Variants in GPD1L observed in about 807,000 individuals in gnomAD.
GPD1L encodes the protein glycerol-3-phosphate dehydrogenase 1-like protein.
Under a neutral mutation model 32.9 loss-of-function variants are expected in GPD1L, and 17 were observed. The observed-to-expected ratio is 0.52, with a 90% CI of 0.35 to 0.78. The LOEUF (loss-of-function observed/expected upper bound fraction) is 0.78. GPD1L is among the 30% of genes least tolerant of loss of function. GPD1L has a pLI of 0.01. For synonymous variants in GPD1L, 187 were observed against 165.9 expected (o/e 1.13, Z -0.98); for missense variants, 361 against 447.8 (o/e 0.81, Z 1.75).
In GPD1L at chr3:32,166,326, A is replaced by G. The variant is rs1478610156; in HGVS notation, c.*416A>G. ...GTGTTAAATTTTAACCAGCATTAAC[A>G]TGGTAGAGTGGAGGAGTGAGTGTGT... On this transcript the variant is annotated 3_prime_UTR_variant, in exon 8 of 8. Transcript: ENST00000282541. 1.8e-5 allele frequency: 5 copies of G among 284,726 alleles called. No homozygotes were observed. Among genetic ancestry groups the G allele is most frequent in the Admixed American group, 5.1e-5 (1 of 19,620 alleles). The allele number at this position is 284,726 out of a possible 1,614,324, so 17.6% of individuals were successfully genotyped here.
intron 5 of GPD1L, among the ~76,000 whole-genome samples, chr3:32,156,539 C>T (rs1245429648): frequency 5.3e-5 from 8 of 152,298 alleles, no homozygotes; most frequent in Admixed American, 6.5e-5. Context: ...CACATCACCC[C>T]GTGGGAGAGG....
At chr3:32,122,813 C>A (rs1700440865) in intron 1 of GPD1L, among the ~76,000 whole-genome samples, 1 of 152,230 alleles carries the variant, frequency 6.6e-6, no homozygotes, top group African/African-American at 2.4e-5. Flanking sequence ...GGGTTAAACA[C>A]ATCATGCAGG....
chr3:32,138,773 A>G (rs1390403692), intron 3 of GPD1L, 46 bp downstream of exon 3: 1 of 1,593,072 alleles, frequency 6.3e-7, no homozygotes, highest in African/African-American at 1.3e-5. Flanking sequence ...GGTTATCAGG[A>G]AATTTCATTT....
chr3:32,109,681 A>G (rs1241526311), intron 1 of GPD1L, among the ~76,000 whole-genome samples: 2 of 152,240 alleles, frequency 1.3e-5, no homozygotes, highest in South Asian at 2.1e-4. Flanking sequence ...TGAAAACAAC[A>G]TGGAGAAGCC....
intron 6 of GPD1L, among the ~76,000 whole-genome samples, 177 bp downstream of exon 6, chr3:32,159,286 C>A (rs1240895900): frequency 6.6e-6 from 1 of 151,954 alleles, no homozygotes; most frequent in African/African-American, 2.4e-5. Flanking sequence ...CTTTATCTTT[C>A]CTTGGCTTCC....
chr3:32,149,313 A>G (rs9817304), intron 5 of GPD1L, among the ~76,000 whole-genome samples: 51,716 of 152,132 alleles, frequency 0.34, 9,772 homozygotes, highest in East Asian at 0.63. Flanking sequence ...TTCCCACCTC[A>G]GACTCCCAAA....
chr3:32,144,391 C>T (rs991260877), intron 4 of GPD1L, among the ~76,000 whole-genome samples: 2 of 152,176 alleles, frequency 1.3e-5, no homozygotes, highest in African/African-American at 4.8e-5. Flanking sequence ...TTTTCAAACC[C>T]TCTTATGTAT....
intron 1 of GPD1L, among the ~76,000 whole-genome samples, chr3:32,112,550 T>A (rs934443308): frequency 2.4e-4 from 36 of 152,058 alleles, no homozygotes; most frequent in Non-Finnish European, 3.8e-4. Flanking sequence ...GGCAGGAGAA[T>A]CACTTGAGCC....
At chr3:32,132,746 A>T (rs1417203833) in intron 2 of GPD1L, among the ~76,000 whole-genome samples, 2 of 152,094 alleles carry the variant, frequency 1.3e-5, no homozygotes, top group African/African-American at 4.8e-5. Flanking sequence ...GGTAATGGGG[A>T]TGCTGTTGGT....
At chr3:32,127,104 C>T (rs1345627872) in intron 1 of GPD1L, among the ~76,000 whole-genome samples, 2 of 152,310 alleles carry the variant, frequency 1.3e-5, no homozygotes, top group African/African-American at 4.8e-5. Flanking sequence ...ACATGTTCTG[C>T]ATCCACTTGG....
chr3:32,166,135 T>C lies in GPD1L; in HGVS notation c.*225T>C. 8.7e-6 allele frequency: 5 copies of C among 576,800 alleles called. No individual in the cohort carries two copies. Among genetic ancestry groups the C allele is most frequent in the South Asian group, 8.1e-5 (4 of 49,322 alleles). The allele number at this position is 576,800 out of a possible 1,614,324, so 35.7% of individuals were successfully genotyped here. ...AAACATGTGAATGGTGGTTTATTCC[T>C]CATTCTGTGGATGTTTCTATGAGCC... On this transcript the variant is annotated 3_prime_UTR_variant, in exon 8 of 8. Transcript: ENST00000282541.
chr3:32,107,266 C>T (rs918316644), intron 1 of GPD1L, among the ~76,000 whole-genome samples: 7 of 152,176 alleles, frequency 4.6e-5, no homozygotes, highest in African/African-American at 1.7e-4. Context: ...GCCCCCGCTT[C>T]TGATAGGTCC....
At chr3:32,111,743 T>C (rs17028880) in intron 1 of GPD1L, among the ~76,000 whole-genome samples, 3,520 of 151,948 alleles carry the variant, frequency 0.023, 145 homozygotes, top group African/African-American at 0.077. Flanking sequence ...TGACATTTTC[T>C]CTGATACCGA....
At chr3:32,156,788 A>C (rs1459189211) in intron 5 of GPD1L, among the ~76,000 whole-genome samples, 1 of 152,218 alleles carries the variant, frequency 6.6e-6, no homozygotes, top group Non-Finnish European at 1.5e-5. Context: ...TCCCCAGCTC[A>C]TTCTGTTTTT....
intron 5 of GPD1L, chr3:32,151,328 AC>A: frequency 1.5e-6 from 1 of 665,336 alleles, no homozygotes; most frequent in Non-Finnish European, 2.7e-6. Flanking sequence ...TAACTTGTTT[AC>A]CACAATGCCA....
intron 7 of GPD1L, among the ~76,000 whole-genome samples, chr3:32,164,891 T>C (rs1249704037): frequency 7.7e-6 from 1 of 129,394 alleles, no homozygotes; most frequent in Non-Finnish European, 1.6e-5. Flanking sequence ...CAAGCTCACT[T>C]TGAGCTATGT....
At position 32,128,206 on chromosome 3, in the gene GPD1L, C is replaced by G. The variant is rs560853317; in HGVS notation, c.178C>G (p.His60Asp). 1 of 1,613,676 alleles carries G rather than the reference C, an allele frequency of 6.2e-7. No individual in the cohort carries two copies. The highest frequency in any genetic ancestry group is 1.1e-5 in the South Asian group (1 of 91,058). The change falls in exon 2 of 8, where the codon CAT (histidine) becomes GAT (aspartate). Residue 60 changes from histidine to aspartate, a missense_variant. Transcript: ENST00000282541. Reference protein sequence around the residue: ...RKLTDIINNDHENVKYLPGHK... With the variant: ...RKLTDIINNDDENVKYLPGHK... ...ACTGACAGACATCATAAATAATGAC[C>G]ATGAAAATGTAAAATATCTTCCTGG...
intron 1 of GPD1L, among the ~76,000 whole-genome samples, chr3:32,122,262 G>A (rs1055067884): frequency 1.3e-5 from 2 of 152,264 alleles, no homozygotes; most frequent in Admixed American, 1.3e-4. Flanking sequence ...GGGCAAATAT[G>A]AATTAGCAGC....
intron 2 of GPD1L, among the ~76,000 whole-genome samples, chr3:32,132,097 C>G (rs1700594479): frequency 6.6e-6 from 1 of 152,172 alleles, no homozygotes; most frequent in Admixed American, 6.5e-5. Context: ...TTTATATATT[C>G]TAGATACAGG....
Sources: allele counts gnomAD v4.1 joint callset (sites outside exome capture counted in the v4.1 genomes callset), GRCh38; gene constraint gnomAD v4.1.1; transcripts MANE v1.5; gene names NCBI Gene and HGNC (gene_info 2026-07-23, HGNC 2026-07-21).